Variants in GRID1 observed in about 807,000 individuals in gnomAD.
The protein encoded by GRID1 is glutamate receptor ionotropic, delta-1.
GRID1 carries 28 observed loss-of-function variants against 98.0 expected under a neutral mutation model. The ratio of observed to expected loss-of-function variants is 0.29; its 90% CI spans 0.21 to 0.39. GRID1 has a LOEUF of 0.39. GRID1 is among the 10% of genes least tolerant of loss of function. The pLI, the probability that GRID1 is intolerant of heterozygous loss-of-function variation, is 1.00. For synonymous variants in GRID1, 553 were observed against 538.5 expected (o/e 1.03, Z -0.37); for missense variants, 1,111 against 1,340.5 (o/e 0.83, Z 2.67).
chr10:85,631,262 C>G (rs1842972825), intron 13 of GRID1, among the ~76,000 whole-genome samples: 1 of 152,226 alleles, frequency 6.6e-6, no homozygotes, highest in Non-Finnish European at 1.5e-5. Flanking sequence ...TTGCCTTCCT[C>G]TCTGTCACAT....
intron 8 of GRID1, among the ~76,000 whole-genome samples, chr10:85,826,053 G>C (rs181542917): frequency 6.6e-6 from 1 of 152,138 alleles, no homozygotes; most frequent in Non-Finnish European, 1.5e-5. Context: ...CAGGCTAGGC[G>C]CGTTGGCTCA....
intron 12 of GRID1, among the ~76,000 whole-genome samples, chr10:85,656,230 G>A (rs998746369): frequency 3.9e-5 from 6 of 152,082 alleles, no homozygotes; most frequent in Admixed American, 3.3e-4. Context: ...CATTTGACAG[G>A]TAGCACTCTC....
At chr10:86,141,354 T>A (rs1232640334) in intron 3 of GRID1, among the ~76,000 whole-genome samples, 1 of 152,086 alleles carries the variant, frequency 6.6e-6, no homozygotes, top group Non-Finnish European at 1.5e-5. Flanking sequence ...GATAAAGACC[T>A]CTTCTTAACC....
intron 4 of GRID1, among the ~76,000 whole-genome samples, chr10:86,040,398 C>A (rs1843329336): frequency 1.3e-5 from 2 of 150,756 alleles, no homozygotes; most frequent in Non-Finnish European, 2.9e-5. Context: ...GAATACTATT[C>A]AGCCATAAAA....
intron 2 of GRID1, among the ~76,000 whole-genome samples, chr10:86,333,721 T>G (rs976421073): frequency 1.3e-5 from 2 of 152,200 alleles, no homozygotes; most frequent in African/African-American, 2.4e-5. Context: ...TACAATAAAC[T>G]AGAGAAAAGA....
chr10:85,987,041 CT>C (rs200910806), intron 4 of GRID1, among the ~76,000 whole-genome samples: 1,641 of 152,198 alleles, frequency 0.011, 37 homozygotes, highest in African/African-American at 0.038. Context: ...TAACCAGCTC[CT>C]CCCCATCTAG....
chr10:85,699,259 G>A (rs1289613076), intron 12 of GRID1, among the ~76,000 whole-genome samples: 2 of 152,022 alleles, frequency 1.3e-5, no homozygotes, highest in East Asian at 1.9e-4. Context: ...TGCAATGTTG[G>A]CCAGGGCTGG....
chr10:85,772,436 T>A (rs1230360295), intron 8 of GRID1, among the ~76,000 whole-genome samples: 5 of 150,516 alleles, frequency 3.3e-5, no homozygotes, highest in African/African-American at 5.0e-5. Flanking sequence ...AGCAAACACA[T>A]TCAAAAGCTA....
intron 8 of GRID1, among the ~76,000 whole-genome samples, chr10:85,795,183 C>T (rs1842515364): frequency 6.6e-6 from 1 of 152,188 alleles, no homozygotes; most frequent in Admixed American, 6.5e-5. Flanking sequence ...TGAATCACCA[C>T]AGAAGGATAT....
chr10:85,718,151 T>A (rs1414654120), intron 12 of GRID1, among the ~76,000 whole-genome samples: 1 of 152,236 alleles, frequency 6.6e-6, no homozygotes, highest in Non-Finnish European at 1.5e-5. Flanking sequence ...ATGGTGGCCC[T>A]CTTCTCACAG....
chr10:85,703,290 C>T (rs1003794955), intron 12 of GRID1, among the ~76,000 whole-genome samples: 4 of 151,904 alleles, frequency 2.6e-5, no homozygotes, highest in African/African-American at 9.7e-5. Flanking sequence ...AAAAATCCAT[C>T]AAAATAAAGA....
At chr10:85,647,756 A>T (rs1037847132) in intron 12 of GRID1, 1 of 183,878 alleles carries the variant, frequency 5.4e-6, no homozygotes, top group Non-Finnish European at 1.2e-5. Flanking sequence ...TCATAGTATC[A>T]AAGAGTCAGG....
chr10:86,224,349 G>A (rs1180059291), intron 2 of GRID1, among the ~76,000 whole-genome samples: 2 of 152,168 alleles, frequency 1.3e-5, no homozygotes, highest in South Asian at 2.1e-4. Flanking sequence ...ATTCTTGAAA[G>A]GTGGCCCACA....
At chr10:86,165,882 A>G (rs956109793) in intron 3 of GRID1, among the ~76,000 whole-genome samples, 1 of 152,140 alleles carries the variant, frequency 6.6e-6, no homozygotes, top group Non-Finnish European at 1.5e-5. Flanking sequence ...CTCACTCCTC[A>G]TTCACACCCC....
At chr10:85,631,859 T>C (rs890276843) in intron 13 of GRID1, among the ~76,000 whole-genome samples, 1 of 151,960 alleles carries the variant, frequency 6.6e-6, no homozygotes, top group African/African-American at 2.4e-5. Flanking sequence ...TCCCAGGAAA[T>C]TGAAACAACT....
intron 6 of GRID1, among the ~76,000 whole-genome samples, chr10:85,865,961 AG>A (rs1843216079): frequency 0.022 from 161 of 7,278 alleles, 1 homozygote; most frequent in African/African-American, 0.074. Context: ...ATATGGAGAG[AG>A]AGAGAGAGAG....
chr10:85,618,243 C>G (rs146370563), intron 14 of GRID1, among the ~76,000 whole-genome samples: 8 of 152,260 alleles, frequency 5.3e-5, no homozygotes, highest in East Asian at 3.9e-4. Context: ...TCGCTGGGGC[C>G]CCTGTGCTTC....
chr10:86,080,305 G>C (rs569429528), intron 4 of GRID1, among the ~76,000 whole-genome samples: 1 of 151,138 alleles, frequency 6.6e-6, no homozygotes, highest in South Asian at 2.1e-4. Context: ...CTGCACTCCA[G>C]CCTGGGCAAC....
intron 5 of GRID1, among the ~76,000 whole-genome samples, chr10:85,912,068 G>C (rs1316059497): frequency 6.6e-6 from 1 of 152,198 alleles, no homozygotes; most frequent in Admixed American, 6.5e-5. Context: ...TATGTACATT[G>C]ACCTGCCTTC....
Sources: gnomAD v4.1 joint callset for allele counts (sites outside exome capture counted in the v4.1 genomes callset) on GRCh38, gnomAD v4.1.1 for gene constraint, MANE v1.5 for transcripts, NCBI Gene and HGNC (gene_info 2026-07-23, HGNC 2026-07-21) for gene names.